SORCS2: variants seen among roughly 807,000 people sequenced by gnomAD.
SORCS2 encodes the protein VPS10 domain-containing receptor SorCS2.
In SORCS2, 100 loss-of-function variants were observed where a neutral mutation model predicts 141.6. That is an observed-to-expected ratio of 0.71 (90% confidence interval 0.60 to 0.83). The LOEUF (loss-of-function observed/expected upper bound fraction) is 0.83. Ranked by LOEUF, SORCS2 falls within the 40% of genes least tolerant of loss-of-function variation. The probability of loss-of-function intolerance (pLI) is 0.00; values close to 1 mark genes in which losing one functional copy is unlikely to be tolerated. For missense variants in SORCS2, 1,646 were observed against 1,560.2 expected (o/e 1.05, Z -0.93); for synonymous variants, 789 against 676.9 (o/e 1.17, Z -2.57).
chr4:7,494,042 C>G (rs985204899), intron 2 of SORCS2, among the ~76,000 whole-genome samples: 11 of 151,898 alleles, frequency 7.2e-5, no homozygotes, highest in African/African-American at 2.7e-4. Context: ...CAGACACACA[C>G]ACATACACTC....
intron 1 of SORCS2, among the ~76,000 whole-genome samples, chr4:7,387,603 G>GCACATGCACA (rs1560241336): frequency 3.2e-5 from 3 of 93,256 alleles, no homozygotes; most frequent in African/African-American, 1.3e-4. Context: ...ACAGAGAAAC[G>GCACATGCACA]CACATGCACA....
chr4:7,393,308 C>T (rs935285102), intron 1 of SORCS2, among the ~76,000 whole-genome samples: 2 of 152,176 alleles, frequency 1.3e-5, no homozygotes, highest in Non-Finnish European at 2.9e-5. Context: ...CCCGATTTTT[C>T]TCCCACCCAG....
intron 2 of SORCS2, among the ~76,000 whole-genome samples, chr4:7,525,044 G>T (rs906736983): frequency 1.3e-5 from 2 of 152,224 alleles, no homozygotes; most frequent in Admixed American, 1.3e-4. Flanking sequence ...AGAGGCAAAG[G>T]CCGGGCACGC....
At chr4:7,667,791 TCTGCCC>T (rs1722588023) in intron 8 of SORCS2, among the ~76,000 whole-genome samples, 2 of 152,214 alleles carry the variant, frequency 1.3e-5, no homozygotes, top group African/African-American at 4.8e-5. Context: ...ATTGCCCAAC[TCTGCCC>T]CTGCCCCTGC....
intron 2 of SORCS2, among the ~76,000 whole-genome samples, chr4:7,450,874 G>A (rs1425500484): frequency 1.3e-5 from 2 of 152,156 alleles, no homozygotes. Context: ...GTGAACGCAT[G>A]AGTGACTGAG....
chr4:7,538,772 G>A (rs991841430), intron 3 of SORCS2, among the ~76,000 whole-genome samples: 2 of 152,166 alleles, frequency 1.3e-5, no homozygotes, highest in Admixed American at 6.5e-5. Flanking sequence ...CCCTCATTCC[G>A]CTCACTCGCC....
chr4:7,609,330 G>T (rs893494726), intron 3 of SORCS2, among the ~76,000 whole-genome samples: 2 of 152,168 alleles, frequency 1.3e-5, no homozygotes, highest in African/African-American at 4.8e-5. Flanking sequence ...CAAAGTTTCT[G>T]TTAGCACCGT....
At chr4:7,447,547 G>T (rs942575436) in intron 2 of SORCS2, among the ~76,000 whole-genome samples, 13 of 152,144 alleles carry the variant, frequency 8.5e-5, no homozygotes, top group African/African-American at 3.1e-4. Flanking sequence ...TTTCTATTTG[G>T]ATTTTTCTTC....
chr4:7,362,769 A>G (rs1332448191), intron 1 of SORCS2, among the ~76,000 whole-genome samples: 2 of 151,762 alleles, frequency 1.3e-5, no homozygotes, highest in African/African-American at 4.8e-5. Flanking sequence ...CTCCACCGTC[A>G]TTACTACCAG....
intron 2 of SORCS2, among the ~76,000 whole-genome samples, chr4:7,474,271 G>A (rs1054092232): frequency 1.3e-4 from 20 of 152,256 alleles, no homozygotes; most frequent in Non-Finnish European, 1.5e-5. Flanking sequence ...AGAAACAGCA[G>A]GCTGGGCAGT....
At chr4:7,692,885 C>T (rs1009300143) in intron 11 of SORCS2, among the ~76,000 whole-genome samples, 12 of 152,252 alleles carry the variant, frequency 7.9e-5, no homozygotes, top group Non-Finnish European at 4.4e-5. Context: ...GTCTCTGGGG[C>T]CCATCCTCAG....
At chr4:7,390,583 C>G (rs1198508433) in intron 1 of SORCS2, among the ~76,000 whole-genome samples, 1 of 152,204 alleles carries the variant, frequency 6.6e-6, no homozygotes, top group Admixed American at 6.5e-5. Context: ...CCGTAAGGAG[C>G]TTGTACCCGG....
At chr4:7,609,220 C>G (rs1022787624) in intron 3 of SORCS2, among the ~76,000 whole-genome samples, 1 of 152,116 alleles carries the variant, frequency 6.6e-6, no homozygotes, top group Admixed American at 6.5e-5. Context: ...TTTGTTTTTC[C>G]TTTTCAAGGT....
intron 1 of SORCS2, among the ~76,000 whole-genome samples, chr4:7,359,950 A>G (rs1287358616): frequency 1.3e-5 from 2 of 152,196 alleles, no homozygotes; most frequent in African/African-American, 2.4e-5. Flanking sequence ...AAGGAACCCA[A>G]CAGTAATAAT....
At chr4:7,349,764 T>A (rs1720834560) in intron 1 of SORCS2, among the ~76,000 whole-genome samples, 1 of 152,306 alleles carries the variant, frequency 6.6e-6, no homozygotes, top group Admixed American at 6.5e-5. Flanking sequence ...TGGGTTTCAG[T>A]GCATGGGCCG....
At chr4:7,518,291 C>T (rs1188183540) in intron 2 of SORCS2, among the ~76,000 whole-genome samples, 3 of 152,074 alleles carry the variant, frequency 2.0e-5, no homozygotes, top group Non-Finnish European at 2.9e-5. Context: ...TGGGTTAACC[C>T]ACTGGGCTTG....
At chr4:7,392,333 C>T in intron 1 of SORCS2, among the ~76,000 whole-genome samples, 1 of 151,886 alleles carries the variant, frequency 6.6e-6, no homozygotes, top group African/African-American at 2.4e-5. Context: ...GGGTGATGGG[C>T]TCTGCGGGGA....
rs1462272808 is a variant in SORCS2, at chr4:7,537,084, G to T, written c.648+5455G>T. On this transcript the variant is annotated intron_variant, in intron 3 of 26. Transcript: ENST00000507866. ...TTCTAGCAAGCTGATGGGGCTCCCTGTGTCTGCGCAAGCACAGCCCGGCCC... is the reference window on the plus strand; with the variant it reads ...TTCTAGCAAGCTGATGGGGCTCCCTTTGTCTGCGCAAGCACAGCCCGGCCC... Among the ~76,000 whole-genome samples the T allele has an allele frequency of 2.0e-5, 3 of 152,210 alleles. No homozygotes were observed. The East Asian group carries it at 5.8e-4, about 29-fold the overall frequency.
chr4:7,372,740 A>T (rs1047655622), intron 1 of SORCS2, among the ~76,000 whole-genome samples: 45 of 152,166 alleles, frequency 3.0e-4, no homozygotes, highest in African/African-American at 9.6e-4. Context: ...TTTGTGGTCA[A>T]CGCCCCCACC....
Sources: allele counts gnomAD v4.1 joint callset (sites outside exome capture counted in the v4.1 genomes callset), GRCh38; gene constraint gnomAD v4.1.1; transcripts MANE v1.5; gene names NCBI Gene and HGNC (gene_info 2026-07-23, HGNC 2026-07-21).